Variants in FRMD8 observed in about 807,000 individuals in gnomAD.
FRMD8 encodes FERM domain containing 8.
A neutral mutation model predicts 54.2 loss-of-function variants in FRMD8; 37 were observed. The ratio of observed to expected loss-of-function variants is 0.68; its 90% confidence interval spans 0.53 to 0.90. FRMD8 has a LOEUF of 0.90. FRMD8 is among the 40% of genes least tolerant of loss of function. The probability of loss-of-function intolerance (pLI) is 0.00; values close to 1 mark genes in which losing one functional copy is unlikely to be tolerated. For synonymous variants in FRMD8, 246 were observed against 286.9 expected (o/e 0.86, Z 1.44); for missense variants, 585 against 653.7 (o/e 0.89, Z 1.15).
chr11:65,409,850 A>G (rs1856290181), intron 10 of FRMD8, among the ~76,000 whole-genome samples: 1 of 152,042 alleles, frequency 6.6e-6, no homozygotes, highest in Non-Finnish European at 1.5e-5. Context: ...AGACAGAGGC[A>G]GGAGGCTCAC....
intron 3 of FRMD8, 130 bp downstream of exon 3, chr11:65,389,658 G>A: frequency 1.0e-6 from 1 of 960,558 alleles, no homozygotes; most frequent in Non-Finnish European, 1.5e-6. Context: ...GTGGGACTTG[G>A]GTTTATCCTG....
At chr11:65,394,553 G>A (rs1428401821) in intron 6 of FRMD8, 128 bp downstream of exon 6, 22 of 1,143,946 alleles carry the variant, frequency 1.9e-5, no homozygotes, top group African/African-American at 7.7e-5. Flanking sequence ...CCTCAGCCCC[G>A]CAGGCTCACT....
Position 65,389,416 on chromosome 11 carries a change from G to A in FRMD8, c.141G>A (p.Glu47=). 6.2e-7 allele frequency: 1 copy of A among 1,610,722 alleles called. No homozygotes were observed. The highest frequency in any genetic ancestry group is 8.5e-7 in the Non-Finnish European group (1 of 1,179,980). Residue 47 remains glutamate (E), a synonymous_variant, in exon 3 of 11, where the codon GAG becomes GAA. Transcript: ENST00000317568. ...ADDTVVPLAV[E]NLPSLSAHEL... ...ACACGGTGGTGCCCCTGGCTGTGGAGAACCTGCCCTCGCTCAGTGCCCATG... is the reference window on the plus strand; with the variant it reads ...ACACGGTGGTGCCCCTGGCTGTGGAAAACCTGCCCTCGCTCAGTGCCCATG...
the FRMD8 span, among the ~76,000 whole-genome samples, chr11:65,370,725 G>A: frequency 6.6e-6 from 1 of 151,644 alleles, no homozygotes; most frequent in African/African-American, 2.4e-5. Flanking sequence ...TAAAGTACAT[G>A]TTCAGATCTG....
chr11:65,400,871 G>GAT lies in FRMD8; in HGVS notation c.1071+4_1071+5insAT. 6.3e-7 allele frequency: 1 copy of GAT among 1,598,266 alleles called. No homozygotes were observed. The highest frequency in any genetic ancestry group is 8.5e-7 in the Non-Finnish European group (1 of 1,171,358). ...CCTCAAGATCTACTCCAAGCAGGTA[G>GAT]CGCGGGTGGTGCCTGCACACGGGTG... On this transcript the variant is annotated splice_donor_region_variant and intron_variant, in intron 9 of 10. Transcript: ENST00000317568. This position sits in a 1 kb window ranked among gnomAD's most constrained non-coding sequence, Gnocchi z 4.3.
At chr11:65,394,184 TTGCCCCAGCCCAACTGAGCAGCTCTCCC>T (rs1396786143) in intron 5 of FRMD8, 47 bp from the exon 6 acceptor site, 2 of 1,597,816 alleles carry the variant, frequency 1.3e-6, no homozygotes, top group Non-Finnish European at 1.7e-6. Flanking sequence ...CATTCGCACC[TTGCCCCAGCCCAACTGAGCAGCTCTCCC>T]TGCCCCAGCC....
Position 65,399,854 on chromosome 11 carries a change from G to A in FRMD8, c.922G>A (p.Glu308Lys), listed in dbSNP as rs78775807. 22 of 1,612,976 alleles carry A rather than the reference G, an allele frequency of 1.4e-5. No individual in the cohort carries two copies. Among genetic ancestry groups the A allele is most frequent in the Non-Finnish European group, 1.8e-5 (21 of 1,179,476 alleles). Residue 308 changes from glutamate (E) to lysine (K), a missense_variant, in exon 8 of 11, where the codon GAG becomes AAG. Physicochemically the swap from Glu to Lys is moderately conservative, Grantham distance 56. Transcript: ENST00000317568. ...AGGCGTGCACGTCATCGATAGCAGA[G>A]AGAAGGTACTGCCCCCAGCTCCTCC... ...LEGVHVIDSR[E>K]KHVLLGLRFQ...
intron 9 of FRMD8, among the ~76,000 whole-genome samples, chr11:65,401,374 TTCCCTCCCCAGCC>T (rs1228774578): frequency 6.6e-5 from 6 of 90,420 alleles, no homozygotes; most frequent in African/African-American, 1.4e-4. Context: ...CCTCCCCTGC[TTCCCTCCCCAGCC>T]TCCCTCCCCT....
chr11:65,398,598 G>A (rs774121427), intron 7 of FRMD8, among the ~76,000 whole-genome samples: 2 of 152,262 alleles, frequency 1.3e-5, no homozygotes, highest in African/African-American at 4.8e-5. Context: ...GTGGGCGAGC[G>A]TGAGCAGGGA....
At chr11:65,381,990 G>A, upstream of FRMD8, 2 of 1,572,516 alleles carry the variant, frequency 1.3e-6, no homozygotes, top group Non-Finnish European at 1.8e-6. Flanking sequence ...CAGCAGAGGA[G>A]ACAGAGTTGA....
Position 65,412,165 on chromosome 11 carries a change from A to C in FRMD8, c.*805A>C, listed in dbSNP as rs1341497776. ...TGTGGACCACCTGGCCTCCAGACCCACACTCACAGTCTGTGAAAAACTGAA... is the reference window on the plus strand; with the variant it reads ...TGTGGACCACCTGGCCTCCAGACCCCCACTCACAGTCTGTGAAAAACTGAA... On this transcript the variant is annotated 3_prime_UTR_variant, in exon 11 of 11. Transcript: ENST00000317568. The C allele has an allele frequency of 6.6e-6, 1 of 152,268 alleles. No individual in the cohort carries two copies. The highest frequency in any genetic ancestry group is 1.5e-5 in the Non-Finnish European group (1 of 68,074). The allele number at this position is 152,268 out of a possible 1,614,324, so 9.4% of individuals were successfully genotyped here. A position where few individuals can be genotyped will look rare whatever the true frequency, so the allele number is the denominator to read the frequency against.
intron 7 of FRMD8, among the ~76,000 whole-genome samples, chr11:65,397,844 G>A (rs1590653833): frequency 6.6e-6 from 1 of 150,946 alleles, no homozygotes; most frequent in East Asian, 1.9e-4. Context: ...GACCACAGGT[G>A]TGCAGCACCA....
the FRMD8 span, chr11:65,376,716 C>G: frequency 6.2e-7 from 1 of 1,613,812 alleles, no homozygotes. Context: ...AGACCCAGAA[C>G]AGAGCATCCT....
intron 10 of FRMD8, among the ~76,000 whole-genome samples, chr11:65,405,827 C>A (rs1340305944): frequency 6.6e-6 from 1 of 151,662 alleles, no homozygotes; most frequent in African/African-American, 2.4e-5. Context: ...AGAGTGAGAC[C>A]CTGTCTCTAC....
At chr11:65,369,712 C>A in the FRMD8 span, among the ~76,000 whole-genome samples, 7 of 143,428 alleles carry the variant, frequency 4.9e-5, no homozygotes, top group African/African-American at 1.8e-4. Context: ...GGGCGACGAG[C>A]AAAACTCTCA....
chr11:65,388,376 A>G (rs572923165), intron 2 of FRMD8, among the ~76,000 whole-genome samples: 21 of 152,296 alleles, frequency 1.4e-4, no homozygotes, highest in African/African-American at 4.6e-4. Flanking sequence ...CTGCTGGAGC[A>G]TAACAGACTG....
At position 65,412,653 on chromosome 11, in the gene FRMD8, C is replaced by T. The variant is rs531910205; in HGVS notation, c.*1293C>T. 4 of 152,410 alleles carry T rather than the reference C, an allele frequency of 2.6e-5. 1 individual carries two copies. In the South Asian group the frequency reaches 8.3e-4, roughly 32 times the overall value. The allele number at this position is 152,410 out of a possible 1,614,324, so 9.4% of individuals were successfully genotyped here. On this transcript the variant is annotated 3_prime_UTR_variant, in exon 11 of 11. Coordinates refer to ENST00000317568, the MANE Select transcript of FRMD8 (RefSeq NM_031904.5). ...GTGGCTGCACAGGGCTTGGCTTTGT[C>T]TTCGTTCCCGGTGGAAAACCGTGGG... is the stretch of plus-strand genomic sequence containing the variant.
chr11:65,389,219 T>A, intron 2 of FRMD8, 142 bp from the exon 3 acceptor site: 1 of 749,576 alleles, frequency 1.3e-6, no homozygotes. Context: ...GAGGACTCTG[T>A]CTCAGGAGCG....
chr11:65,405,479 C>T lies in FRMD8; in HGVS notation c.1276+411C>T, dbSNP rs114834745. Among the ~76,000 whole-genome samples, 582 of 152,010 alleles carry T rather than the reference C, an allele frequency of 3.8e-3. 7 individuals are homozygous for T. The highest frequency in any genetic ancestry group is 0.013 in the African/African-American group (546 of 41,460). The stretch of plus-strand genomic sequence containing the variant: ...TCTACTAAAAATACAAAAAAAGTAG[C>T]GAGGTGTATGGCAGGCGCCTGTAAT... On this transcript the variant is annotated intron_variant, in intron 10 of 10. Transcript: ENST00000317568.
Sources: allele counts gnomAD v4.1 joint callset (sites outside exome capture counted in the v4.1 genomes callset), GRCh38; gene constraint gnomAD v4.1.1; non-coding constraint Gnocchi (gnomAD v3.1); transcripts MANE v1.5; gene names NCBI Gene and HGNC (gene_info 2026-07-23, HGNC 2026-07-21).